Variants in MTOR observed in about 807,000 individuals in gnomAD.
MTOR encodes mechanistic target of rapamycin kinase, also known as serine/threonine-protein kinase mTOR.
Under a neutral mutation model 319.8 loss-of-function variants are expected in MTOR, and 70 were observed. That is an observed-to-expected ratio of 0.22 (90% CI 0.18 to 0.27). The LOEUF (loss-of-function observed/expected upper bound fraction) is 0.27, where lower values mean the gene tolerates loss of function less well. Ranked by LOEUF, MTOR falls within the 10% of genes least tolerant of loss-of-function variation. MTOR has a pLI of 1.00. For missense variants in MTOR, 1,890 were observed against 3,274.4 expected, an observed-to-expected ratio of 0.58 and a Z score of 10.32; for synonymous variants, 1,183 against 1,211.4, an observed-to-expected ratio of 0.98 and a Z score of 0.49.
At position 11,128,797 on chromosome 1, in the gene MTOR, A is replaced by G; in HGVS notation, c.5811+58T>C. ...ACACTGAACACAGCATGCTTGTAAG[A>G]GGAGACACACAGAAGAGAGACTTGG... On this transcript the variant is annotated intron_variant, in intron 41 of 57. Transcript: ENST00000361445. The surrounding 1 kb of genome is among the most constrained non-coding windows in gnomAD (Gnocchi z 5.3). The G allele has an allele frequency of 7.1e-7, 1 of 1,403,396 alleles. No homozygotes were observed. Among genetic ancestry groups the G allele is most frequent in the Non-Finnish European group, 1.0e-6 (1 of 995,068 alleles). The allele number at this position is 1,403,396 out of a possible 1,614,324, so 86.9% of individuals were successfully genotyped here. A position where few individuals can be genotyped will look rare whatever the true frequency, so the allele number is the denominator to read the frequency against.
intron 13 of MTOR, among the ~76,000 whole-genome samples, chr1:11,235,301 A>C (rs1254035952): frequency 6.6e-6 from 1 of 152,072 alleles, no homozygotes; most frequent in Non-Finnish European, 1.5e-5. Flanking sequence ...ACCAATGCCC[A>C]CCCTGATGAC....
intron 28 of MTOR, among the ~76,000 whole-genome samples, chr1:11,196,531 C>G (rs1351367414): frequency 6.6e-6 from 1 of 152,128 alleles, no homozygotes; most frequent in Non-Finnish European, 1.5e-5. Flanking sequence ...ATACTGTCAA[C>G]AGAACACAGT....
chr1:11,214,988 C>T (rs948429477), intron 20 of MTOR, among the ~76,000 whole-genome samples: 1 of 152,134 alleles, frequency 6.6e-6, no homozygotes, highest in Admixed American at 6.5e-5. Context: ...TTCCCAGGCT[C>T]GGGGGAGCTC....
At chr1:11,235,184 T>C (rs1647158219) in intron 13 of MTOR, among the ~76,000 whole-genome samples, 1 of 152,110 alleles carries the variant, frequency 6.6e-6, no homozygotes, top group African/African-American at 2.4e-5. Flanking sequence ...TGCAAGGAAA[T>C]GTGCCTCACG....
chr1:11,145,042 T>A lies in MTOR; in HGVS notation c.4690A>T (p.Ile1564Phe), dbSNP rs2100510601. Residue 1564 changes from isoleucine (I) to phenylalanine (F), a missense_variant, in exon 33 of 58, where the codon ATT becomes TTT. Coordinates refer to ENST00000361445, the MANE Select transcript of MTOR (RefSeq NM_004958.4). ...TCCAGCAGGTCCCTGGCCTTGTCAA[T>A]GCACTAGAAGAGAAACAACCCTTGG... is the stretch of plus-strand genomic sequence containing the variant. ...QDLFSLAQQCIDKARDLLDAE... is the reference protein window; with the variant it reads ...QDLFSLAQQCFDKARDLLDAE... 6.2e-7 allele frequency: 1 copy of A among 1,614,158 alleles called. No homozygotes were observed. The highest frequency in any genetic ancestry group is 1.1e-5 in the South Asian group (1 of 91,078).
chr1:11,116,516 C>G (rs896059916), intron 50 of MTOR, among the ~76,000 whole-genome samples: 6 of 152,130 alleles, frequency 3.9e-5, no homozygotes, highest in African/African-American at 1.4e-4. Context: ...TGCTATGCTG[C>G]CCAGGCTGGT....
intron 32 of MTOR, among the ~76,000 whole-genome samples, chr1:11,146,026 A>G (rs1643917380): frequency 6.6e-6 from 1 of 151,986 alleles, no homozygotes; most frequent in South Asian, 2.1e-4. Context: ...TCATCACACA[A>G]ATGACAGCCT....
In MTOR at chr1:11,247,722, CCACTGGCA is replaced by C. The variant is rs1384261101; in HGVS notation, c.1120_1127del (p.Cys374GlyfsTer7). The C allele has an allele frequency of 6.2e-7, 1 of 1,614,118 alleles. No homozygotes were observed. The highest frequency in any genetic ancestry group is 1.1e-5 in the South Asian group (1 of 91,080). ...TCTTGCTATTCCTGCATTTCAGCAC[CCACTGGCA>C]CACCTGAGAGAGGAAGGATAAAGGG... On this transcript the variant is annotated frameshift_variant, in exon 8 of 58. Coordinates refer to ENST00000361445, the MANE Select transcript of MTOR (RefSeq NM_004958.4). LOFTEE classifies it high-confidence loss of function.
chr1:11,228,281 C>G (rs1446672596), intron 19 of MTOR, among the ~76,000 whole-genome samples: 3 of 151,894 alleles, frequency 2.0e-5, no homozygotes, highest in Admixed American at 2.0e-4. Context: ...CTCTACCTCC[C>G]AGGTTCAAGG....
In MTOR at chr1:11,210,807, A is replaced by T. The variant is rs761328178; in HGVS notation, c.3654+7T>A. 5 of 1,594,804 alleles carry T rather than the reference A, an allele frequency of 3.1e-6. No individual in the cohort carries two copies. In the South Asian group the frequency reaches 5.6e-5, roughly 18 times the overall value. On this transcript the variant is annotated splice_region_variant and intron_variant, in intron 24 of 57. Transcript: ENST00000361445. The stretch of plus-strand genomic sequence containing the variant: ...GGACTTCAGAACAGAAAAGAAGTAT[A>T]GTTCACCTTGACAATTCTGCAGATG...
chr1:11,124,988 A>G (rs754740947), intron 46 of MTOR, among the ~76,000 whole-genome samples: 3 of 151,128 alleles, frequency 2.0e-5, no homozygotes, highest in African/African-American at 7.3e-5. Context: ...GGCGTGGCCA[A>G]TGGTGGAAGG....
At chr1:11,140,983 GAAAAA>G (rs56098089) in intron 34 of MTOR, among the ~76,000 whole-genome samples, 4 of 129,846 alleles carry the variant, frequency 3.1e-5, no homozygotes, top group African/African-American at 9.4e-5. Context: ...TAAGACTTCT[GAAAAA>G]AAAAAAAAAA....
At chr1:11,246,086 T>C (rs1254655477) in intron 8 of MTOR, among the ~76,000 whole-genome samples, 11 of 152,186 alleles carry the variant, frequency 7.2e-5, no homozygotes. Context: ...AAATAGTACT[T>C]ATGCAATGAA....
chr1:11,237,767 C>A, intron 13 of MTOR, 76 bp downstream of exon 13: 1 of 1,526,716 alleles, frequency 6.6e-7, no homozygotes, highest in Non-Finnish European at 9.0e-7. Flanking sequence ...TTGTCCTCAA[C>A]TCCGCTTCCT....
intron 36 of MTOR, among the ~76,000 whole-genome samples, chr1:11,137,594 C>G (rs1262528038): frequency 1.3e-5 from 2 of 152,150 alleles, no homozygotes; most frequent in Admixed American, 1.3e-4. Context: ...AATGAAGGAC[C>G]TGTCACTTGG....
Position 11,125,138 on chromosome 1 carries a change from G to A in MTOR, c.6527-505C>T, listed in dbSNP as rs78267112. ...TAGATGGCCTCTCTGGCATGGTGAC[G>A]GTTCTAGCTGGGCTCCTTGCTCTTT... On this transcript the variant is annotated intron_variant, in intron 46 of 57. Transcript: ENST00000361445. Among the ~76,000 whole-genome samples the A allele has an allele frequency of 4.7e-3, 722 of 152,256 alleles. 4 individuals are homozygous for A. The highest frequency in any genetic ancestry group is 0.016 in the African/African-American group (651 of 41,558).
chr1:11,213,342 C>A, intron 21 of MTOR, 57 bp downstream of exon 21: 1 of 1,568,324 alleles, frequency 6.4e-7, no homozygotes, highest in Non-Finnish European at 8.7e-7. Context: ...TAGCTGATCA[C>A]CCAGGGACTC....
intron 8 of MTOR, among the ~76,000 whole-genome samples, chr1:11,247,018 G>A (rs1389551328): frequency 6.6e-6 from 1 of 152,206 alleles, no homozygotes; most frequent in Non-Finnish European, 1.5e-5. Flanking sequence ...AGGAAGCTGA[G>A]GCCCAGGTAG....
rs1347033905 is a variant in MTOR at position 11,257,576 on chromosome 1, A to G, written c.272-411T>C. Reference sequence around the variant, plus strand: ...AGACTCTGTCTCAGAGAAAAAAAAAAAAAAAAAAAAAAAAATCTGGCGAGT... The same window carrying G: ...AGACTCTGTCTCAGAGAAAAAAAAAGAAAAAAAAAAAAAAATCTGGCGAGT... On this transcript the variant is annotated intron_variant, in intron 3 of 57. Coordinates refer to ENST00000361445, the MANE Select transcript of MTOR (RefSeq NM_004958.4). Among the ~76,000 whole-genome samples the G allele has an allele frequency of 4.0e-5, 6 of 150,628 alleles. No individual in the cohort carries two copies. The East Asian group carries it at 1.2e-3, about 30-fold the overall frequency.
Sources: allele counts gnomAD v4.1 joint callset (sites outside exome capture counted in the v4.1 genomes callset), GRCh38; gene constraint gnomAD v4.1.1; non-coding constraint Gnocchi (gnomAD v3.1); transcripts MANE v1.5; gene names NCBI Gene and HGNC (gene_info 2026-07-23, HGNC 2026-07-21).